The following COL2A1 variants were observed in gnomAD, a reference collection of about 807,000 sequenced individuals.
The protein encoded by COL2A1 is collagen alpha-1(II) chain.
COL2A1 carries 28 observed loss-of-function variants against 204.5 expected under a neutral mutation model. That is an observed-to-expected ratio of 0.14 (90% CI 0.10 to 0.19). The LOEUF (loss-of-function observed/expected upper bound fraction) is 0.19, where lower values mean the gene tolerates loss of function less well. COL2A1 is among the 10% of genes least tolerant of loss of function. The pLI, the probability that COL2A1 is intolerant of heterozygous loss-of-function variation, is 1.00. For missense variants in COL2A1, 1,388 were observed against 2,027.5 expected, an observed-to-expected ratio of 0.68 and a Z score of 6.06; for synonymous variants, 708 against 718.7, an observed-to-expected ratio of 0.99 and a Z score of 0.24.
In COL2A1 at chr12:47,998,441, A is replaced by C. The variant is rs2226945; in HGVS notation, c.293-10T>G. On this transcript the variant is annotated splice_polypyrimidine_tract_variant and intron_variant, in intron 2 of 53. Transcript: ENST00000380518. ...TTTGGTCCTGGTTGCCCTGCAAGGGAAAAAATATAGAGAAGAAGAAGGTAA... is the reference window on the plus strand; with the variant it reads ...TTTGGTCCTGGTTGCCCTGCAAGGGCAAAAATATAGAGAAGAAGAAGGTAA... 2 of 1,610,024 alleles carry C rather than the reference A, an allele frequency of 1.2e-6. No individual in the cohort carries two copies. Among genetic ancestry groups the C allele is most frequent in the Non-Finnish European group, 1.7e-6 (2 of 1,177,220 alleles).
chr12:47,981,001 G>T (rs1309682394), intron 37 of COL2A1, 33 bp from the exon 38 acceptor site: 1 of 1,544,898 alleles, frequency 6.5e-7, no homozygotes, highest in African/African-American at 1.4e-5. Context: ...GAGAGGTCAG[G>T]CCCCGCTGCC....
chr12:47,982,350 C>T, intron 34 of COL2A1, 152 bp downstream of exon 34: 1 of 792,340 alleles, frequency 1.3e-6, no homozygotes, highest in East Asian at 2.6e-5. Flanking sequence ...CACTAAAAGG[C>T]AGGGAGCTTT....
intron 53 of COL2A1, 30 bp downstream of exon 53, chr12:47,974,059 G>C: frequency 6.2e-7 from 1 of 1,614,098 alleles, no homozygotes; most frequent in Non-Finnish European, 8.5e-7. Context: ...TTGGGCACAG[G>C]CAGCTCTTCT....
chr12:47,998,014 G>A lies in COL2A1; in HGVS notation c.375+18C>T. 6.2e-7 allele frequency: 1 copy of A among 1,614,138 alleles called. No homozygotes were observed. Among genetic ancestry groups the A allele is most frequent in the Non-Finnish European group, 8.5e-7 (1 of 1,179,994 alleles). ...GCAGCGAGGAAGGGACGGAGAAAGA[G>A]ATTTCTCCCTCTCTTACCTGAGGCC... On this transcript the variant is annotated intron_variant, in intron 5 of 53. Coordinates refer to ENST00000380518, the MANE Select transcript of COL2A1 (RefSeq NM_001844.5).
chr12:47,989,646 T>C (rs1327791275), intron 17 of COL2A1, 115 bp downstream of exon 17: 1 of 879,510 alleles, frequency 1.1e-6, no homozygotes, highest in African/African-American at 1.6e-5. Flanking sequence ...CCCTTTCCAG[T>C]AGACATCAGA....
Position 47,986,826 on chromosome 12 carries a change from G to C in COL2A1, c.1419+9C>G. 6.2e-7 allele frequency: 1 copy of C among 1,614,158 alleles called. No individual in the cohort carries two copies. The highest frequency in any genetic ancestry group is 8.5e-7 in the Non-Finnish European group (1 of 1,179,986). On this transcript the variant is annotated intron_variant, in intron 22 of 53. Coordinates refer to ENST00000380518, the MANE Select transcript of COL2A1 (RefSeq NM_001844.5). ...CAGAGAAGACAAGGGCTTGGGGGCA[G>C]ATACTCACAGGTTCTCCCTTGGGGC...
At chr12:47,981,994 CAG>C in intron 35 of COL2A1, 111 bp downstream of exon 35, 2 of 1,320,026 alleles carry the variant, frequency 1.5e-6, no homozygotes, top group Non-Finnish European at 1.1e-6. Flanking sequence ...CCAGCCCCGA[CAG>C]AGACAGGACC....
rs191960239 is a variant in COL2A1 at position 47,980,843 on chromosome 12, C to T, written c.2517+72G>A. ...ATCCATTTCCCTCCCTGACAAGCTC[C>T]GATGCCCGAGGGTGCTGGATGTGGA... is the stretch of plus-strand genomic sequence containing the variant. On this transcript the variant is annotated intron_variant, in intron 38 of 53. Transcript: ENST00000380518. This position sits in a 1 kb window ranked among gnomAD's most constrained non-coding sequence, Gnocchi z 4.5. 112 of 1,524,764 alleles carry T rather than the reference C, an allele frequency of 7.3e-5. No homozygotes were observed. In the Admixed American group the frequency reaches 1.2e-3, roughly 17 times the overall value. The allele number at this position is 1,524,764 out of a possible 1,614,324, so 94.5% of individuals were successfully genotyped here.
In COL2A1 at chr12:47,983,124, T is replaced by C. The variant is rs750867405; in HGVS notation, c.2063A>G (p.Glu688Gly). 6.8e-6 allele frequency: 11 copies of C among 1,613,852 alleles called. No individual in the cohort carries two copies. The highest frequency in any genetic ancestry group is 7.6e-6 in the Non-Finnish European group (9 of 1,179,870). Residue 688 changes from glutamate (E) to glycine (G), a missense_variant, in exon 32 of 54, where the codon GAA (glutamate) becomes GGA (glycine). This residue lies in a region of COL2A1 where 884 missense variants were observed against 1,415.8 expected (regional missense o/e 0.62). Coordinates refer to ENST00000380518, the MANE Select transcript of COL2A1 (RefSeq NM_001844.5). ...ACCCACGAGGCCAGGGGCTCCAGCT[T>C]CACCGGGAACACCCTGGAGAACAAA... The part of the protein sequence containing the change: ...GKPGDQGVPG[E>G]AGAPGLVGPR...
chr12:48,005,115 A>C (rs960064025), upstream of COL2A1, among the ~76,000 whole-genome samples: 1 of 151,744 alleles, frequency 6.6e-6, no homozygotes, highest in Admixed American at 6.6e-5. Flanking sequence ...ACTGCCCTCC[A>C]CCCCTCCCCC....
At chr12:47,988,694 G>A (rs740022) in intron 18 of COL2A1, among the ~76,000 whole-genome samples, 1 of 152,140 alleles carries the variant, frequency 6.6e-6, no homozygotes, top group African/African-American at 2.4e-5. Context: ...GGGCTGCGAG[G>A]CCTGTCCCTG....
In COL2A1 at chr12:47,977,377, G is replaced by C; in HGVS notation, c.3216C>G (p.Pro1072=). ...GAVGAPGAPG[P]PGSPGPAGPT... ...GACCAGCGGGGCCAGGGGAGCCAGG[G>C]GGCCCAGGGGCTCCAGGAGCTCCCA... Residue 1072 remains proline (P), a synonymous_variant, in exon 46 of 54, where the codon CCC becomes CCG. Coordinates refer to ENST00000380518, the MANE Select transcript of COL2A1 (RefSeq NM_001844.5). 1 of 1,613,858 alleles carries C rather than the reference G, an allele frequency of 6.2e-7. No individual in the cohort carries two copies. Among genetic ancestry groups the C allele is most frequent in the Non-Finnish European group, 8.5e-7 (1 of 1,179,892 alleles).
Position 47,976,743 on chromosome 12 carries a change from A to G in COL2A1, c.3435+69T>C. 1 of 1,474,802 alleles carries G rather than the reference A, an allele frequency of 6.8e-7. No homozygotes were observed. Among genetic ancestry groups the G allele is most frequent in the South Asian group, 1.2e-5 (1 of 85,300 alleles). 91.4% of individuals were successfully genotyped at this position (1,474,802 alleles called of 1,614,324 possible). On this transcript the variant is annotated intron_variant, in intron 48 of 53. Coordinates refer to ENST00000380518, the MANE Select transcript of COL2A1 (RefSeq NM_001844.5). This position sits in a 1 kb window ranked among gnomAD's most constrained non-coding sequence, Gnocchi z 4.3. ...GGTGATCCCAAGCTGTCCTGGCAGCACAGGGAGCTCAAGTGGGCTCTGTGT... is the reference window on the plus strand; with the variant it reads ...GGTGATCCCAAGCTGTCCTGGCAGCGCAGGGAGCTCAAGTGGGCTCTGTGT...
At chr12:47,975,754 G>A in intron 50 of COL2A1, 149 bp from the exon 51 acceptor site, 1 of 897,602 alleles carries the variant, frequency 1.1e-6, no homozygotes, top group Non-Finnish European at 1.7e-6. Flanking sequence ...GGAAACCACA[G>A]CACCATGTCT....
chr12:47,983,027 G>A, intron 32 of COL2A1, 66 bp downstream of exon 32: 1 of 1,607,806 alleles, frequency 6.2e-7, no homozygotes, highest in Non-Finnish European at 8.5e-7. Flanking sequence ...GTGGGGAAAG[G>A]AGCAGGAGCA....
chr12:47,989,912 C>T (rs1468008153), intron 16 of COL2A1, 107 bp from the exon 17 acceptor site: 7 of 1,110,592 alleles, frequency 6.3e-6, no homozygotes, highest in South Asian at 1.2e-5. Context: ...CCTGGGGTGT[C>T]CCAGGGCAGA....
rs772889503 is a variant in COL2A1 at position 47,978,347 on chromosome 12, C to T, written c.2947G>A (p.Val983Ile). Reference protein sequence around the residue: ...PQGLAGQRGIVGLPGQRGERG... With the variant: ...PQGLAGQRGIIGLPGQRGERG... ...TCACCACGTTGCCCAGGCAGACCGA[C>T]GATGCCTCTCTGACCAGCCAGACCC... Residue 983 changes from valine (V) to isoleucine (I), a missense_variant, in exon 43 of 54, where the codon GTC (valine) becomes ATC (isoleucine). This residue lies in a region of COL2A1 where 884 missense variants were observed against 1,415.8 expected (regional missense o/e 0.62). Coordinates refer to ENST00000380518, the MANE Select transcript of COL2A1 (RefSeq NM_001844.5). The surrounding 1 kb of genome is among the most constrained non-coding windows in gnomAD (Gnocchi z 5.5). The T allele has an allele frequency of 8.1e-6, 13 of 1,613,944 alleles. No homozygotes were observed. The Admixed American group carries it at 1.2e-4, about 14-fold the overall frequency.
rs1379738395 is a variant in COL2A1 at position 47,976,621 on chromosome 12, T to C, written c.3436-54A>G. On this transcript the variant is annotated intron_variant, in intron 48 of 53. Coordinates refer to ENST00000380518, the MANE Select transcript of COL2A1 (RefSeq NM_001844.5). The surrounding 1 kb of genome is among the most constrained non-coding windows in gnomAD (Gnocchi z 4.3). ...CGGTCAGCACAGACATATCTATCTA[T>C]ATTCTGGGAGCTGGGGGAACAGCTT... 3 of 1,573,520 alleles carry C rather than the reference T, an allele frequency of 1.9e-6. No homozygotes were observed. Among genetic ancestry groups the C allele is most frequent in the African/African-American group, 1.4e-5 (1 of 74,072 alleles).
chr12:47,989,907 G>A, intron 16 of COL2A1, 102 bp from the exon 17 acceptor site: 1 of 1,131,240 alleles, frequency 8.8e-7, no homozygotes, highest in Non-Finnish European at 1.3e-6. Flanking sequence ...CTGTGCCTGG[G>A]GTGTCCCAGG....
Sources: allele counts gnomAD v4.1 joint callset (sites outside exome capture counted in the v4.1 genomes callset), GRCh38; gene constraint gnomAD v4.1.1; regional missense constraint gnomAD v4.1.1; non-coding constraint Gnocchi (gnomAD v3.1); transcripts MANE v1.5; gene names NCBI Gene and HGNC (gene_info 2026-07-23, HGNC 2026-07-21).